PDS5B: variants seen among roughly 807,000 people sequenced by gnomAD.
The protein encoded by PDS5B is PDS5 cohesin associated factor B, also known as sister chromatid cohesion protein PDS5 homolog B.
Under a neutral mutation model 184.1 loss-of-function variants are expected in PDS5B, and 51 were observed. The observed-to-expected ratio is 0.28, with a 90% CI of 0.22 to 0.35. PDS5B has a LOEUF of 0.35. PDS5B is among the 10% of genes least tolerant of loss of function. The pLI is 1.00. For synonymous variants in PDS5B, 566 were observed against 569.2 expected (o/e 0.99, Z 0.08); for missense variants, 1,180 against 1,723.3 (o/e 0.68, Z 5.58).
At chr13:32,630,556 T>C (rs2140569646) in intron 1 of PDS5B, among the ~76,000 whole-genome samples, 1 of 152,318 alleles carries the variant, frequency 6.6e-6, no homozygotes, top group South Asian at 2.1e-4. Flanking sequence ...AAGTGATGAA[T>C]GGGATTTCTT....
At chr13:32,700,314 C>G (rs962796746) in intron 16 of PDS5B, among the ~76,000 whole-genome samples, 1 of 151,946 alleles carries the variant, frequency 6.6e-6, no homozygotes, top group African/African-American at 2.4e-5. Flanking sequence ...TTTTTAAAGC[C>G]TTTAATATGC....
chr13:32,698,906 C>T (rs1017412505), intron 15 of PDS5B, among the ~76,000 whole-genome samples: 6 of 152,162 alleles, frequency 3.9e-5, no homozygotes, highest in Non-Finnish European at 7.3e-5. Context: ...TCACCTGCCA[C>T]CACGCCAGGC....
chr13:32,596,614 T>C (rs543359068), intron 1 of PDS5B, among the ~76,000 whole-genome samples: 2 of 152,358 alleles, frequency 1.3e-5, no homozygotes, highest in Admixed American at 6.5e-5. Context: ...CCCACCTGAA[T>C]ATATGAATGT....
rs1332105053 is a variant in PDS5B at position 32,753,323 on chromosome 13, T to G, written c.2737-9T>G. On this transcript the variant is annotated splice_polypyrimidine_tract_variant and intron_variant, in intron 24 of 34. Transcript: ENST00000315596. ...TTGAATAATATCTGGAATAATTGTG[T>G]CTTTACAGGATGAATGCTATCAAGT... The G allele has an allele frequency of 6.2e-7, 1 of 1,606,302 alleles. No homozygotes were observed. Among genetic ancestry groups the G allele is most frequent in the Non-Finnish European group, 8.5e-7 (1 of 1,173,732 alleles).
At chr13:32,597,840 T>C (rs1269676913) in intron 1 of PDS5B, among the ~76,000 whole-genome samples, 2 of 147,684 alleles carry the variant, frequency 1.4e-5, no homozygotes, top group Non-Finnish European at 3.0e-5. Flanking sequence ...CGAGACTCTG[T>C]CTCAAAAAAA....
intron 19 of PDS5B, among the ~76,000 whole-genome samples, chr13:32,727,992 C>G (rs1952969372): frequency 6.6e-6 from 1 of 151,248 alleles, no homozygotes. Flanking sequence ...CCTTTTTTCT[C>G]TCTCATTTTA....
intron 1 of PDS5B, among the ~76,000 whole-genome samples, chr13:32,593,616 C>T (rs9595884): frequency 0.016 from 2,511 of 152,280 alleles, 67 homozygotes; most frequent in African/African-American, 0.056. Flanking sequence ...GCTGGGATTA[C>T]AGGTGTGAGC....
intron 29 of PDS5B, among the ~76,000 whole-genome samples, chr13:32,759,926 G>A (rs1383280300): frequency 6.6e-6 from 1 of 151,788 alleles, no homozygotes; most frequent in Non-Finnish European, 1.5e-5. Context: ...CTGATTCTTA[G>A]ACTTCTTAGG....
chr13:32,591,921 C>T (rs1194081328), intron 1 of PDS5B, among the ~76,000 whole-genome samples: 2 of 152,152 alleles, frequency 1.3e-5, no homozygotes, highest in African/African-American at 4.8e-5. Flanking sequence ...GAGCAATGCT[C>T]TGAATGGAGA....
At chr13:32,714,232 G>A (rs1022702948) in intron 19 of PDS5B, among the ~76,000 whole-genome samples, 3 of 152,122 alleles carry the variant, frequency 2.0e-5, no homozygotes, top group Non-Finnish European at 2.9e-5. Context: ...ATGAAGTTTC[G>A]GGCACCATTG....
At chr13:32,723,632 C>T (rs960232839) in intron 19 of PDS5B, among the ~76,000 whole-genome samples, 57 of 152,126 alleles carry the variant, frequency 3.7e-4, no homozygotes, top group African/African-American at 1.3e-3. Flanking sequence ...TTTCACATAA[C>T]TATCTTTAAA....
chr13:32,689,130 A>G (rs1236353244), intron 13 of PDS5B: 6 of 155,260 alleles, frequency 3.9e-5, no homozygotes, highest in African/African-American at 1.4e-4. Context: ...TGCTAGTCTA[A>G]TTGAATCATA....
chr13:32,652,307 T>C, intron 3 of PDS5B: 1 of 255,242 alleles, frequency 3.9e-6, no homozygotes, highest in Non-Finnish European at 7.5e-6. Flanking sequence ...AAAATCCATA[T>C]TGAAGACCAT....
At chr13:32,612,232 A>T (rs1259218427) in intron 1 of PDS5B, among the ~76,000 whole-genome samples, 1 of 151,736 alleles carries the variant, frequency 6.6e-6, no homozygotes, top group Non-Finnish European at 1.5e-5. Context: ...AGCCCAGCTA[A>T]TTTTTTTGTA....
chr13:32,715,456 C>T (rs569173077), intron 19 of PDS5B, among the ~76,000 whole-genome samples: 1 of 152,216 alleles, frequency 6.6e-6, no homozygotes, highest in African/African-American at 2.4e-5. Context: ...CTTTGCCTAT[C>T]ATTTTAGTTT....
At chr13:32,760,834 CTTAATT>C in intron 30 of PDS5B, 114 bp downstream of exon 30, 8 of 1,005,814 alleles carry the variant, frequency 8.0e-6, no homozygotes, top group Non-Finnish European at 1.1e-5. Context: ...TAATGTATTA[CTTAATT>C]TTTCCATTTA....
chr13:32,623,384 C>T (rs1405223973), intron 1 of PDS5B, among the ~76,000 whole-genome samples: 1 of 152,122 alleles, frequency 6.6e-6, no homozygotes, highest in African/African-American at 2.4e-5. Context: ...AGAATTGAGG[C>T]CCCTACCATA....
At chr13:32,598,835 A>C (rs1172189282) in intron 1 of PDS5B, among the ~76,000 whole-genome samples, 2 of 139,380 alleles carry the variant, frequency 1.4e-5, no homozygotes, top group African/African-American at 2.7e-5. Context: ...CAGTGGCACT[A>C]TCTCGGCTTA....
rs1366347866 is a variant in PDS5B, at chr13:32,587,001, C to A, written c.-20+408C>A. The stretch of plus-strand genomic sequence containing the variant: ...GCCGCCCGCGCCCTCCCGCCGCCGC[C>A]GTCGCCGCCGCCGCGCCCCTCCCCC... On this transcript the variant is annotated intron_variant, in intron 1 of 34. Transcript: ENST00000315596. Among the ~76,000 whole-genome samples, 2 of 139,374 alleles carry A rather than the reference C, an allele frequency of 1.4e-5. 1 individual carries two copies. The highest frequency in any genetic ancestry group is 3.1e-5 in the Non-Finnish European group (2 of 64,518). 91.4% of individuals were successfully genotyped at this position (139,374 alleles called of 152,430 possible).
Sources: gnomAD v4.1 joint callset for allele counts (sites outside exome capture counted in the v4.1 genomes callset) on GRCh38, gnomAD v4.1.1 for gene constraint, MANE v1.5 for transcripts, NCBI Gene and HGNC (gene_info 2026-07-23, HGNC 2026-07-21) for gene names.